Variants in CA12 observed in about 807,000 individuals in gnomAD.
CA12 encodes carbonate dehydratase XII.
In CA12, 36 loss-of-function variants were observed where a neutral mutation model predicts 46.8. The ratio of observed to expected loss-of-function variants is 0.77; its 90% confidence interval spans 0.59 to 1.02. CA12 has a LOEUF of 1.02. Among genes scored for constraint, CA12 ranks in the 50% least tolerant of loss-of-function variants. CA12 has a pLI of 0.00. For missense variants in CA12, 436 were observed against 451.4 expected (o/e 0.97, Z 0.31); for synonymous variants, 202 against 187.0 (o/e 1.08, Z -0.65).
At chr15:63,368,152 T>G (rs961531506) in intron 2 of CA12, among the ~76,000 whole-genome samples, 1 of 152,252 alleles carries the variant, frequency 6.6e-6, no homozygotes, top group Non-Finnish European at 1.5e-5. Context: ...AGCTATCCTA[T>G]TTCATTGCTT....
intron 2 of CA12, among the ~76,000 whole-genome samples, chr15:63,347,007 G>A (rs2039159311): frequency 1.3e-5 from 2 of 152,196 alleles, no homozygotes. Context: ...GTCAAGACCT[G>A]TTGACTTTCA....
chr15:63,347,347 C>T (rs1210682437), intron 2 of CA12, among the ~76,000 whole-genome samples: 1 of 152,164 alleles, frequency 6.6e-6, no homozygotes, highest in Non-Finnish European at 1.5e-5. Context: ...CCCCTGAGGA[C>T]ATTGACTCTT....
Position 63,329,045 on chromosome 15 carries a change from A to T in CA12, c.875-915T>A, listed in dbSNP as rs940859921. Among the ~76,000 whole-genome samples the T allele has an allele frequency of 3.9e-5, 6 of 152,224 alleles. No individual in the cohort carries two copies. In the South Asian group the frequency reaches 8.3e-4, roughly 21 times the overall value. Reference sequence around the variant, plus strand: ...CAACATGGCCAAAGAGGAAAGATGAAGAAAGGTAGGGATCAAAGCCTGCTT... The same window carrying T: ...CAACATGGCCAAAGAGGAAAGATGATGAAAGGTAGGGATCAAAGCCTGCTT... On this transcript the variant is annotated intron_variant, in intron 8 of 10. Coordinates refer to ENST00000178638, the MANE Select transcript of CA12 (RefSeq NM_001218.5). The surrounding 1 kb of genome is among the most constrained non-coding windows in gnomAD (Gnocchi z 4.8).
In CA12 at chr15:63,374,072, A is replaced by G. The variant is rs539529625; in HGVS notation, c.106+1586T>C. On this transcript the variant is annotated intron_variant, in intron 2 of 10. Coordinates refer to ENST00000178638, the MANE Select transcript of CA12 (RefSeq NM_001218.5). The surrounding 1 kb of genome is among the most constrained non-coding windows in gnomAD (Gnocchi z 4.4). Reference sequence around the variant, plus strand: ...CATCCTTCCCCCTCCACCTCCTACCACCAAGTAACTCTTCCTAAAACACAG... The same window carrying G: ...CATCCTTCCCCCTCCACCTCCTACCGCCAAGTAACTCTTCCTAAAACACAG... Among the ~76,000 whole-genome samples the G allele has an allele frequency of 2.9e-4, 44 of 151,556 alleles. No individual in the cohort carries two copies. The South Asian group carries it at 8.6e-3, about 30-fold the overall frequency.
intron 1 of CA12, among the ~76,000 whole-genome samples, chr15:63,376,208 G>A (rs1021214072): frequency 1.3e-5 from 2 of 152,218 alleles, no homozygotes; most frequent in African/African-American, 4.8e-5. Flanking sequence ...AGAGGCTCAT[G>A]GAAGCAGGAG....
intron 4 of CA12, among the ~76,000 whole-genome samples, chr15:63,343,278 TC>T (rs145859269): frequency 9.8e-5 from 11 of 111,706 alleles, no homozygotes; most frequent in African/African-American, 3.7e-4. Flanking sequence ...ATAGAAAGAA[TC>T]TTTTTTTTTT....
chr15:63,346,584 C>T lies in CA12; in HGVS notation c.232G>A (p.Gly78Ser), dbSNP rs772669900. Residue 78 changes from glycine to serine, a missense_variant, in exon 3 of 11, where the codon GGC (glycine) becomes AGC (serine). By Grantham distance (56) the Gly-to-Ser change is moderately conservative. Coordinates refer to ENST00000178638, the MANE Select transcript of CA12 (RefSeq NM_001218.5). Reference protein sequence around the residue: ...DASLTPLEFQGYNLSANKQFL... With the variant: ...DASLTPLEFQSYNLSANKQFL... The stretch of plus-strand genomic sequence containing the variant: ...TGCTTGTTGGCAGACAGATTGTAGC[C>T]TTGGAACTCGAGGGGCGTGAGGCTG... 1 of 1,613,524 alleles carries T rather than the reference C, an allele frequency of 6.2e-7. No individual in the cohort carries two copies. The highest frequency in any genetic ancestry group is 2.2e-5 in the East Asian group (1 of 44,804).
At chr15:63,332,158 C>T (rs1405931131) in intron 8 of CA12, among the ~76,000 whole-genome samples, 1 of 152,146 alleles carries the variant, frequency 6.6e-6, no homozygotes, top group African/African-American at 2.4e-5. Flanking sequence ...TATTATTACA[C>T]CTAATAAAAA....
Position 63,340,672 on chromosome 15 carries a change from T to G in CA12, c.589+48A>C. The G allele has an allele frequency of 7.6e-6, 12 of 1,577,580 alleles. No homozygotes were observed. The highest frequency in any genetic ancestry group is 1.0e-5 in the Non-Finnish European group (12 of 1,146,702). ...TTTCTTAAAGTCACACAGGGCTGAC[T>G]ACCTCCTTCTCCAGCAGAGAGTGAA... On this transcript the variant is annotated intron_variant, in intron 6 of 10. Transcript: ENST00000178638. The surrounding 1 kb of genome is among the most constrained non-coding windows in gnomAD (Gnocchi z 4.4).
At chr15:63,377,987 T>G (rs1595795901) in intron 1 of CA12, among the ~76,000 whole-genome samples, 1 of 152,246 alleles carries the variant, frequency 6.6e-6, no homozygotes, top group African/African-American at 2.4e-5. Flanking sequence ...ATTAGTGCCA[T>G]GAACTTAGGG....
intron 2 of CA12, among the ~76,000 whole-genome samples, chr15:63,353,084 C>G (rs2039253902): frequency 6.6e-6 from 1 of 152,112 alleles, no homozygotes. Context: ...CAGCTCTAGT[C>G]TCTGACCTTG....
At chr15:63,370,328 G>A (rs958426398) in intron 2 of CA12, among the ~76,000 whole-genome samples, 13 of 151,466 alleles carry the variant, frequency 8.6e-5, no homozygotes, top group African/African-American at 2.7e-4. Context: ...GGTGGCATAC[G>A]TCCTAGCTAC....
At chr15:63,371,456 A>C (rs544672584) in intron 2 of CA12, among the ~76,000 whole-genome samples, 11 of 152,276 alleles carry the variant, frequency 7.2e-5, no homozygotes, top group Non-Finnish European at 1.2e-4. Context: ...ACCTGTAAGC[A>C]TGTGCGGCCA....
At chr15:63,334,358 T>G (rs535905163) in intron 8 of CA12, among the ~76,000 whole-genome samples, 103 of 145,454 alleles carry the variant, frequency 7.1e-4, no homozygotes, top group African/African-American at 2.0e-3. Flanking sequence ...TGGGTTCAAG[T>G]GATTCTCCTG....
intron 2 of CA12, among the ~76,000 whole-genome samples, chr15:63,357,275 G>A (rs1050366492): frequency 6.6e-6 from 1 of 152,238 alleles, no homozygotes; most frequent in African/African-American, 2.4e-5. Context: ...CACCCTCAGA[G>A]TTTCTGATTC....
intron 1 of CA12, among the ~76,000 whole-genome samples, chr15:63,381,291 C>T (rs1337668827): frequency 1.3e-5 from 2 of 152,232 alleles, no homozygotes; most frequent in African/African-American, 2.4e-5. Flanking sequence ...AGTCATGTCT[C>T]TACTTTCTAA....
chr15:63,362,863 T>C (rs1472901331), intron 2 of CA12, among the ~76,000 whole-genome samples: 12 of 152,214 alleles, frequency 7.9e-5, no homozygotes, highest in Non-Finnish European at 1.8e-4. Flanking sequence ...GCTACTTCTG[T>C]CTCTTCTCTA....
At position 63,346,552 on chromosome 15, in the gene CA12, G is replaced by C; in HGVS notation, c.264C>G (p.Leu88=). 1.2e-6 allele frequency: 2 copies of C among 1,614,036 alleles called. No homozygotes were observed. The highest frequency in any genetic ancestry group is 1.7e-6 in the Non-Finnish European group (2 of 1,179,986). Residue 88 remains leucine (L), a synonymous_variant, in exon 3 of 11, where the codon CTC becomes CTG. Transcript: ENST00000178638. ...GYNLSANKQF[L]LTNNGHSVKL... is the part of the protein sequence containing the mutation. ...CACCTGAATGGCCATTGTTGGTCAG[G>C]AGAAACTGCTTGTTGGCAGACAGAT...
Position 63,328,039 on chromosome 15 carries a change from C to A in CA12, c.907+59G>T. Reference sequence around the variant, plus strand: ...GCAGAGAGGACGGGCTTGGATCACACCAAGAATCACAGTGATCACCCAGCT... The same window carrying A: ...GCAGAGAGGACGGGCTTGGATCACAACAAGAATCACAGTGATCACCCAGCT... On this transcript the variant is annotated intron_variant, in intron 9 of 10. Coordinates refer to ENST00000178638, the MANE Select transcript of CA12 (RefSeq NM_001218.5). The surrounding 1 kb of genome is among the most constrained non-coding windows in gnomAD (Gnocchi z 5.9). The A allele has an allele frequency of 6.5e-7, 1 of 1,537,350 alleles. No homozygotes were observed.
Sources: allele counts gnomAD v4.1 joint callset (sites outside exome capture counted in the v4.1 genomes callset), GRCh38; gene constraint gnomAD v4.1.1; non-coding constraint Gnocchi (gnomAD v3.1); transcripts MANE v1.5; gene names NCBI Gene and HGNC (gene_info 2026-07-23, HGNC 2026-07-21).